Variants in EHHADH observed in about 807,000 individuals in gnomAD.
The protein encoded by EHHADH is peroxisomal bifunctional enzyme.
A neutral mutation model predicts 64.4 loss-of-function variants in EHHADH; 48 were observed. The ratio of observed to expected loss-of-function variants is 0.75; its 90% confidence interval spans 0.59 to 0.95. The LOEUF (loss-of-function observed/expected upper bound fraction) is 0.95. Ranked by LOEUF, EHHADH falls within the 40% of genes least tolerant of loss-of-function variation. The probability of loss-of-function intolerance (pLI) is 0.00; values close to 1 mark genes in which losing one functional copy is unlikely to be tolerated. For synonymous variants in EHHADH, 308 were observed against 326.7 expected, an observed-to-expected ratio of 0.94 and a Z score of 0.62; for missense variants, 854 against 876.6, an observed-to-expected ratio of 0.97 and a Z score of 0.33.
chr3:185,203,219 A>G (rs1383440980), intron 6 of EHHADH, among the ~76,000 whole-genome samples: 1 of 152,148 alleles, frequency 6.6e-6, no homozygotes, highest in African/African-American at 2.4e-5. Context: ...AATACACATA[A>G]GTCTGTAACT....
In EHHADH at chr3:185,192,272, A is replaced by G. The variant is rs1318653233; in HGVS notation, c.2126T>C (p.Leu709Pro). The G allele has an allele frequency of 6.2e-7, 1 of 1,614,016 alleles. No homozygotes were observed. Among genetic ancestry groups the G allele is most frequent in the East Asian group, 2.2e-5 (1 of 44,880 alleles). ...KKLASQGNPP[L>P]KEWQSLAGSP... ...GCCTGCCAAGCTTTGCCATTCTTTC[A>G]GGGGAGGGTTTCCCTGAGAAGCCAG... is the stretch of plus-strand genomic sequence containing the variant. The change falls in exon 7 of 7, where the codon CTG becomes CCG. Residue 709 changes from leucine to proline, a missense_variant. By Grantham distance (98) the Leu-to-Pro change is moderately conservative. Transcript: ENST00000231887.
At chr3:185,229,303 G>T (rs955082880) in intron 4 of EHHADH, 129 bp downstream of exon 4, 1 of 436,374 alleles carries the variant, frequency 2.3e-6, no homozygotes, top group Non-Finnish European at 3.9e-6. Context: ...TCAGAAAATC[G>T]AGAGGCCAAG....
At chr3:185,222,993 CTCA>C (rs1345828354) in intron 4 of EHHADH, among the ~76,000 whole-genome samples, 1 of 152,182 alleles carries the variant, frequency 6.6e-6, no homozygotes, top group African/African-American at 2.4e-5. Context: ...GAATTATCTC[CTCA>C]TCAGTTTTTC....
intron 6 of EHHADH, among the ~76,000 whole-genome samples, chr3:185,196,405 C>T (rs1018386269): frequency 3.3e-5 from 5 of 152,186 alleles, no homozygotes; most frequent in Admixed American, 1.3e-4. Context: ...GAATAAAATA[C>T]GAGGCGGGTA....
At chr3:185,226,470 G>A (rs922941873) in intron 4 of EHHADH, among the ~76,000 whole-genome samples, 17 of 152,176 alleles carry the variant, frequency 1.1e-4, no homozygotes, top group African/African-American at 4.1e-4. Flanking sequence ...CCAACATGGT[G>A]AAACCCTGTC....
At chr3:185,209,654 GATGTAATCA>G (rs1227532103) in intron 5 of EHHADH, among the ~76,000 whole-genome samples, 1 of 152,174 alleles carries the variant, frequency 6.6e-6, no homozygotes, top group Non-Finnish European at 1.5e-5. Flanking sequence ...GTAAGGTTTG[GATGTAATCA>G]TGTGCACATG....
At chr3:185,210,559 T>C (rs1718512782) in intron 5 of EHHADH, among the ~76,000 whole-genome samples, 1 of 147,858 alleles carries the variant, frequency 6.8e-6, no homozygotes, top group African/African-American at 2.5e-5. Flanking sequence ...GCTTTGAATC[T>C]GGGCGGCAGA....
chr3:185,238,728 T>G (rs1196445923), intron 2 of EHHADH, among the ~76,000 whole-genome samples: 2 of 152,214 alleles, frequency 1.3e-5, no homozygotes, highest in East Asian at 3.8e-4. Context: ...TTGCAAATAT[T>G]TTCTCCCATT....
intron 2 of EHHADH, among the ~76,000 whole-genome samples, chr3:185,241,930 G>A (rs1190970836): frequency 6.6e-6 from 1 of 152,016 alleles, no homozygotes; most frequent in Non-Finnish European, 1.5e-5. Flanking sequence ...TATAGTTTCA[G>A]GTTTTATATT....
Position 185,192,241 on chromosome 3 carries a change from A to G in EHHADH, c.2157T>C (p.Pro719=), listed in dbSNP as rs1577350185. 6.2e-7 allele frequency: 1 copy of G among 1,613,308 alleles called. No individual in the cohort carries two copies. The highest frequency in any genetic ancestry group is 8.5e-7 in the Non-Finnish European group (1 of 1,179,664). Residue 719 remains proline, a synonymous_variant, in exon 7 of 7, where the codon CCT becomes CCC. Coordinates refer to ENST00000231887, the MANE Select transcript of EHHADH (RefSeq NM_001966.4). ...LKEWQSLAGS[P]SSKL ...GAAGACTGAATCACAATTTACTGCT[A>G]GGGGAGCCTGCCAAGCTTTGCCATT...
intron 2 of EHHADH, chr3:185,246,190 TTTG>T (rs1577377783): frequency 1.0e-6 from 1 of 1,000,768 alleles, no homozygotes. Context: ...AAATATCTTT[TTTG>T]TTTTTTTTTC....
rs1371721140 is a variant in EHHADH, at chr3:185,253,849, C to T, written c.74+100G>A. ...ACCAGTTGCTCAACTCTTGAGTGTC[C>T]TTCTCGGTTTAAACCGACGGGGGAG... is the stretch of plus-strand genomic sequence containing the variant. On this transcript the variant is annotated intron_variant, in intron 1 of 6. Coordinates refer to ENST00000231887, the MANE Select transcript of EHHADH (RefSeq NM_001966.4). 5 of 1,533,044 alleles carry T rather than the reference C, an allele frequency of 3.3e-6. No homozygotes were observed. In the African/African-American group the frequency reaches 6.9e-5, roughly 21 times the overall value. The allele number at this position is 1,533,044 out of a possible 1,614,324, so 95.0% of individuals were successfully genotyped here. A position where few individuals can be genotyped will look rare whatever the true frequency, so the allele number is the denominator to read the frequency against.
intron 2 of EHHADH, chr3:185,247,848 T>C (rs528135387): frequency 7.2e-5 from 11 of 152,334 alleles, no homozygotes; most frequent in Admixed American, 6.5e-4. Context: ...TTGTCAATAA[T>C]TTTGCATCTT....
intron 5 of EHHADH, among the ~76,000 whole-genome samples, chr3:185,213,063 C>T (rs1369121190): frequency 3.0e-5 from 4 of 132,244 alleles, no homozygotes; most frequent in African/African-American, 1.2e-4. Flanking sequence ...GAGGTTGCAG[C>T]GAGCCAAGAT....
At position 185,229,838 on chromosome 3, in the gene EHHADH, T is replaced by C. The variant is rs79178277; in HGVS notation, c.352-295A>G. 0.049 allele frequency among the ~76,000 whole-genome samples: 7,487 copies of C among 152,306 alleles called. 291 individuals carry two copies. The highest frequency in any genetic ancestry group is 0.07 in the Non-Finnish European group (4,749 of 68,026). ...ATAATTTTCTCTGGAAACAACTTTC[T>C]GGAGTCCTGCAAGAATCAGGAAACA... On this transcript the variant is annotated intron_variant, in intron 3 of 6. Coordinates refer to ENST00000231887, the MANE Select transcript of EHHADH (RefSeq NM_001966.4).
intron 4 of EHHADH, among the ~76,000 whole-genome samples, chr3:185,219,739 C>A (rs1414706968): frequency 6.6e-6 from 1 of 152,168 alleles, no homozygotes; most frequent in Non-Finnish European, 1.5e-5. Context: ...ATCTTGGTGG[C>A]AACAGTCCCA....
intron 6 of EHHADH, among the ~76,000 whole-genome samples, chr3:185,200,911 G>A (rs1718204299): frequency 6.6e-6 from 1 of 152,144 alleles, no homozygotes; most frequent in Non-Finnish European, 1.5e-5. Context: ...TTTGCGGGGA[G>A]CACAATGGAA....
At chr3:185,243,804 T>C (rs1719519228) in intron 2 of EHHADH, among the ~76,000 whole-genome samples, 1 of 152,206 alleles carries the variant, frequency 6.6e-6, no homozygotes, top group Non-Finnish European at 1.5e-5. Flanking sequence ...CATGCACAAA[T>C]AGAAAAATGT....
Position 185,253,776 on chromosome 3 carries a change from AG to A in EHHADH, c.74+172del, listed in dbSNP as rs1232704254. 2.7e-5 allele frequency: 35 copies of A among 1,311,040 alleles called. No homozygotes were observed. The East Asian group carries it at 7.1e-4, about 27-fold the overall frequency. 81.2% of individuals were successfully genotyped at this position (1,311,040 alleles called of 1,614,324 possible). Reference sequence around the variant, plus strand: ...TAATCTAGGTTAAAAAAAAAAAAAAAGAAAAGAAAAAGAAAGAAAGAAAAGA... The same window carrying A: ...TAATCTAGGTTAAAAAAAAAAAAAAAAAAAGAAAAAGAAAGAAAGAAAAGA... On this transcript the variant is annotated intron_variant, in intron 1 of 6. Transcript: ENST00000231887.
Sources: allele counts gnomAD v4.1 joint callset (sites outside exome capture counted in the v4.1 genomes callset), GRCh38; gene constraint gnomAD v4.1.1; transcripts MANE v1.5; gene names NCBI Gene and HGNC (gene_info 2026-07-23, HGNC 2026-07-21).